The following FGGY variants were observed in gnomAD, a reference collection of about 807,000 sequenced individuals.
The protein encoded by FGGY is FGGY carbohydrate kinase domain containing.
FGGY carries 72 observed loss-of-function variants against 71.3 expected under a neutral mutation model. That is an observed-to-expected ratio of 1.01 (90% CI 0.84 to 1.23). The LOEUF (loss-of-function observed/expected upper bound fraction) is 1.23, where lower values mean the gene tolerates loss of function less well. Among genes scored for constraint, FGGY ranks in the 50% most tolerant of loss-of-function variants. The pLI is 0.00. For synonymous variants in FGGY, 251 were observed against 250.3 expected (o/e 1.00, Z -0.02); for missense variants, 668 against 682.3 (o/e 0.98, Z 0.23).
intron 14 of FGGY, among the ~76,000 whole-genome samples, chr1:59,735,102 AG>A (rs2098088683): frequency 6.6e-6 from 1 of 152,174 alleles, no homozygotes; most frequent in African/African-American, 2.4e-5. Flanking sequence ...ATGGTGGGGC[AG>A]GGGTAGAGAG....
intron 14 of FGGY, among the ~76,000 whole-genome samples, chr1:59,721,018 C>T (rs570938229): frequency 6.6e-5 from 10 of 152,180 alleles, no homozygotes; most frequent in African/African-American, 2.4e-4. Context: ...ATCATCTTTC[C>T]GTTGATTTTT....
At chr1:59,425,887 G>T (rs2066276974) in intron 5 of FGGY, among the ~76,000 whole-genome samples, 1 of 152,094 alleles carries the variant, frequency 6.6e-6, no homozygotes, top group Non-Finnish European at 1.5e-5. Context: ...TAATGGAATT[G>T]ATTTTTCAGT....
intron 5 of FGGY, among the ~76,000 whole-genome samples, chr1:59,420,399 G>T (rs2065205584): frequency 6.6e-6 from 1 of 152,190 alleles, no homozygotes; most frequent in African/African-American, 2.4e-5. Context: ...AAGGAGTTGG[G>T]TATGTACTTC....
intron 6 of FGGY, among the ~76,000 whole-genome samples, chr1:59,484,371 T>G (rs188556906): frequency 3.2e-4 from 49 of 152,278 alleles, no homozygotes; most frequent in African/African-American, 1.1e-3. Flanking sequence ...CTGCTCCCTT[T>G]TCTATTATGG....
chr1:59,607,885 G>A lies in FGGY; in HGVS notation c.986G>A (p.Gly329Asp). The A allele has an allele frequency of 6.2e-7, 1 of 1,614,046 alleles. No homozygotes were observed. Among genetic ancestry groups the A allele is most frequent in the Non-Finnish European group, 8.5e-7 (1 of 1,179,954 alleles). Residue 329 changes from glycine (G) to aspartate (D), a missense_variant, in exon 9 of 16, where the codon GGT becomes GAT. Transcript: ENST00000303721. The stretch of plus-strand genomic sequence containing the variant: ...GTACCTGGGTTCTGGCTGAATGAAG[G>A]TGGTCAGAGCGTTACTGGAAAATTG... ...AMVPGFWLNE[G>D]GQSVTGKLID...
chr1:59,761,126 T>C (rs1233081215), intron 15 of FGGY, among the ~76,000 whole-genome samples: 1 of 152,204 alleles, frequency 6.6e-6, no homozygotes, highest in Non-Finnish European at 1.5e-5. Flanking sequence ...TCTGCTGAAG[T>C]AGATCCCATA....
At chr1:59,625,910 T>C in intron 9 of FGGY, 78 bp from the exon 10 acceptor site, 1 of 1,090,036 alleles carries the variant, frequency 9.2e-7, no homozygotes, top group Admixed American at 2.6e-5. Context: ...AAACATATAC[T>C]CATTTTAATA....
intron 10 of FGGY, among the ~76,000 whole-genome samples, chr1:59,628,707 T>A (rs1319343578): frequency 6.6e-6 from 1 of 152,182 alleles, no homozygotes; most frequent in Non-Finnish European, 1.5e-5. Flanking sequence ...GCTGTTTAAG[T>A]AAAGTAAGAT....
chr1:59,490,995 C>CTTTCCTTTCCTTTCCT, intron 6 of FGGY, among the ~76,000 whole-genome samples: 1 of 38,460 alleles, frequency 2.6e-5, no homozygotes, highest in Admixed American at 2.9e-4. Flanking sequence ...TGCTTGCTTG[C>CTTTCCTTTCCTTTCCT]TTCCTTTCCT....
chr1:59,611,392 C>A (rs539539384), intron 9 of FGGY, among the ~76,000 whole-genome samples: 1 of 152,234 alleles, frequency 6.6e-6, no homozygotes, highest in Admixed American at 6.5e-5. Context: ...TACTCAGGGT[C>A]TAGAGTGAAA....
intron 8 of FGGY, among the ~76,000 whole-genome samples, chr1:59,561,422 G>T (rs577547236): frequency 6.6e-6 from 1 of 152,164 alleles, no homozygotes; most frequent in South Asian, 2.1e-4. Flanking sequence ...GGTTGATGTG[G>T]TTCAGTGGAC....
intron 11 of FGGY, among the ~76,000 whole-genome samples, chr1:59,650,719 T>A (rs897215545): frequency 7.6e-6 from 1 of 132,006 alleles, no homozygotes; most frequent in Non-Finnish European, 1.5e-5. Flanking sequence ...ATTCACTGAT[T>A]TTTTGAAGGG....
chr1:59,367,417 G>A (rs768625471), intron 4 of FGGY, among the ~76,000 whole-genome samples: 3 of 152,202 alleles, frequency 2.0e-5, no homozygotes, highest in Non-Finnish European at 4.4e-5. Flanking sequence ...TGAGGATAAG[G>A]TCTAGCTCTT....
At chr1:59,468,157 C>G (rs894561670) in intron 6 of FGGY, among the ~76,000 whole-genome samples, 1 of 152,162 alleles carries the variant, frequency 6.6e-6, no homozygotes, top group African/African-American at 2.4e-5. Context: ...CCCCCCTCAG[C>G]CTCCCAAAGT....
At chr1:59,541,240 C>T (rs983161968) in intron 7 of FGGY, among the ~76,000 whole-genome samples, 2 of 152,130 alleles carry the variant, frequency 1.3e-5, no homozygotes, top group African/African-American at 4.8e-5. Flanking sequence ...TCATCTCTGC[C>T]TTGGGCCACA....
At chr1:59,661,248 C>T (rs28568826) in intron 12 of FGGY, among the ~76,000 whole-genome samples, 86,601 of 152,052 alleles carry the variant, frequency 0.57, 27,601 homozygotes, top group Middle Eastern at 0.76. Flanking sequence ...TATTTATTCA[C>T]ACCACCAACA....
chr1:59,625,335 G>A (rs2096845967), intron 9 of FGGY, among the ~76,000 whole-genome samples: 1 of 152,064 alleles, frequency 6.6e-6, no homozygotes, highest in Admixed American at 6.5e-5. Flanking sequence ...TCCTAGACCT[G>A]GGATTTCAAA....
chr1:59,649,018 A>G lies in FGGY; in HGVS notation c.1221+10643A>G, dbSNP rs374334709. ...TTATTAAATAGGGAATCCTTTCCCC[A>G]TTGCTTGTTTTTCTCAGGTTTGTCA... On this transcript the variant is annotated intron_variant, in intron 11 of 15. Coordinates refer to ENST00000303721, the MANE Select transcript of FGGY (RefSeq NM_018291.5). Among the ~76,000 whole-genome samples, 17 of 151,586 alleles carry G rather than the reference A, an allele frequency of 1.1e-4. No individual in the cohort carries two copies. The East Asian group carries it at 1.6e-3, about 14-fold the overall frequency.
intron 6 of FGGY, among the ~76,000 whole-genome samples, chr1:59,466,905 T>G (rs6587859): frequency 0.41 from 62,134 of 151,938 alleles, 12,884 homozygotes; most frequent in Middle Eastern, 0.5. Context: ...TTGTTGGTGG[T>G]AGTGTAAACT....
Sources: allele counts gnomAD v4.1 joint callset (sites outside exome capture counted in the v4.1 genomes callset), GRCh38; gene constraint gnomAD v4.1.1; transcripts MANE v1.5; gene names NCBI Gene and HGNC (gene_info 2026-07-23, HGNC 2026-07-21).